Variants in MGAT5 observed in about 807,000 individuals in gnomAD.
MGAT5 encodes the protein alpha-1,6-mannosylglycoprotein 6-beta-N-acetylglucosaminyltransferase, also known as alpha-1,6-mannosylglycoprotein 6-beta-N-acetylglucosaminyltransferase A.
In MGAT5, 30 loss-of-function variants were observed where a neutral mutation model predicts 94.3. The ratio of observed to expected loss-of-function variants is 0.32; its 90% CI spans 0.24 to 0.43. The LOEUF (loss-of-function observed/expected upper bound fraction) is 0.43. MGAT5 is among the 20% of genes least tolerant of loss of function. MGAT5 has a pLI of 1.00. For missense variants in MGAT5, 691 were observed against 905.5 expected, an observed-to-expected ratio of 0.76 and a Z score of 3.04; for synonymous variants, 310 against 322.9, an observed-to-expected ratio of 0.96 and a Z score of 0.43.
intron 1 of MGAT5, among the ~76,000 whole-genome samples, chr2:134,140,501 A>G (rs1191921264): frequency 6.6e-6 from 1 of 152,236 alleles, no homozygotes; most frequent in Non-Finnish European, 1.5e-5. Context: ...CGTGACTGCC[A>G]GCTCTAAAAG....
At chr2:134,135,029 C>G (rs6722015) in intron 1 of MGAT5, among the ~76,000 whole-genome samples, 30,103 of 152,186 alleles carry the variant, frequency 0.2, 4,098 homozygotes, top group African/African-American at 0.39. Context: ...TTGTAGCTGA[C>G]ATGACACATT....
chr2:134,448,979 T>C lies in MGAT5; in HGVS notation c.*132T>C. The C allele has an allele frequency of 3.3e-6, 3 of 902,840 alleles. No homozygotes were observed. Among genetic ancestry groups the C allele is most frequent in the Non-Finnish European group, 5.0e-6 (3 of 597,302 alleles). The allele number at this position is 902,840 out of a possible 1,614,324, so 55.9% of individuals were successfully genotyped here. ...GAACTTTTTCGTAGAAGGTTCTGAA[T>C]TGGCATTGCCCTTGCTGCACTCCGA... On this transcript the variant is annotated 3_prime_UTR_variant, in exon 16 of 16. Transcript: ENST00000281923.
At chr2:134,154,662 A>C (rs974326182) in intron 1 of MGAT5, among the ~76,000 whole-genome samples, 1 of 152,174 alleles carries the variant, frequency 6.6e-6, no homozygotes, top group Non-Finnish European at 1.5e-5. Flanking sequence ...CTGAGACTCT[A>C]AATCTCATCC....
chr2:134,447,534 A>G (rs1685857355), intron 15 of MGAT5, among the ~76,000 whole-genome samples: 1 of 152,230 alleles, frequency 6.6e-6, no homozygotes, highest in African/African-American at 2.4e-5. Flanking sequence ...AGGGCCACAC[A>G]GCTCCTAAAA....
intron 1 of MGAT5, among the ~76,000 whole-genome samples, chr2:134,258,943 G>A (rs956088206): frequency 3.3e-5 from 5 of 152,238 alleles, no homozygotes; most frequent in Non-Finnish European, 7.3e-5. Flanking sequence ...GTTGTTGGCT[G>A]TTAGTGTGAC....
rs568465215 is a variant in MGAT5 at position 134,137,817 on chromosome 2, T to C, written c.-143+17526T>C. Among the ~76,000 whole-genome samples, 17 of 152,300 alleles carry C rather than the reference T, an allele frequency of 1.1e-4. 1 individual carries two copies. In the South Asian group the frequency reaches 3.3e-3, roughly 30 times the overall value. ...AGGCAGTTACATTACATTATATTCT[T>C]ACTGTTTAAAGATAATGTATTTGTA... On this transcript the variant is annotated intron_variant, in intron 1 of 16. Transcript: ENST00000409645.
At chr2:134,266,978 A>G (rs982920238) in intron 1 of MGAT5, among the ~76,000 whole-genome samples, 5 of 152,226 alleles carry the variant, frequency 3.3e-5, no homozygotes, top group Admixed American at 6.5e-5. Flanking sequence ...AAAATCTTGG[A>G]TCACTTGATG....
intron 1 of MGAT5, among the ~76,000 whole-genome samples, chr2:134,140,880 C>A (rs1326057285): frequency 6.6e-6 from 1 of 152,190 alleles, no homozygotes; most frequent in Non-Finnish European, 1.5e-5. Context: ...AGTGAAGGAG[C>A]CAGAATTTCA....
chr2:134,187,293 G>T (rs1261919449), intron 1 of MGAT5, among the ~76,000 whole-genome samples: 1 of 152,176 alleles, frequency 6.6e-6, no homozygotes, highest in Non-Finnish European at 1.5e-5. Flanking sequence ...AGAATTGTCT[G>T]TAAGGGGCAA....
rs1292366672 is a variant in MGAT5 at position 134,279,501 on chromosome 2, C to T, written c.406+8951C>T. On this transcript the variant is annotated intron_variant, in intron 2 of 15. Transcript: ENST00000281923. ...ACCCAGAATTTCTAATTCTGTTGGA[C>T]TAATTACTGACCCTTCAAGGAATAC... Among the ~76,000 whole-genome samples the T allele has an allele frequency of 2.0e-5, 3 of 152,160 alleles. No homozygotes were observed. In the East Asian group the frequency reaches 5.8e-4, roughly 29 times the overall value.
At chr2:134,149,302 C>T (rs189073207) in intron 1 of MGAT5, among the ~76,000 whole-genome samples, 2 of 152,258 alleles carry the variant, frequency 1.3e-5, no homozygotes, top group Admixed American at 6.5e-5. Context: ...AGATCAGTGA[C>T]AGGCAGCTAT....
At chr2:134,447,117 C>T (rs1026166864) in intron 15 of MGAT5, among the ~76,000 whole-genome samples, 4 of 152,308 alleles carry the variant, frequency 2.6e-5, no homozygotes, top group African/African-American at 9.6e-5. Context: ...ATGCTCTACA[C>T]ACATGCCCAT....
In MGAT5 at chr2:134,313,482, A is replaced by G. The variant is rs549059547; in HGVS notation, c.407-4047A>G. 2.0e-5 allele frequency among the ~76,000 whole-genome samples: 3 copies of G among 152,252 alleles called. No individual in the cohort carries two copies. The East Asian group carries it at 5.8e-4, about 29-fold the overall frequency. On this transcript the variant is annotated intron_variant, in intron 2 of 15. Transcript: ENST00000281923. The stretch of plus-strand genomic sequence containing the variant: ...TTGCCAGTGCCATAGGATCATACAG[A>G]GGTGAAGTTTTGGGGGAAAGATGTT...
At chr2:134,158,337 G>C (rs887028092) in intron 1 of MGAT5, among the ~76,000 whole-genome samples, 4 of 152,162 alleles carry the variant, frequency 2.6e-5, no homozygotes, top group African/African-American at 7.2e-5. Flanking sequence ...CCCTCTAAGC[G>C]CCCCCTTGGC....
Position 134,364,500 on chromosome 2 carries a change from CA to C in MGAT5, c.1380+2102del, listed in dbSNP as rs5834408. On this transcript the variant is annotated intron_variant, in intron 10 of 15. Coordinates refer to ENST00000281923, the MANE Select transcript of MGAT5 (RefSeq NM_002410.5). ...GGGCAACAAGAGTGAAACTCTGTCT[CA>C]AAAAAAAAAGGAATCCCAAAACCAT... 2.6e-4 allele frequency among the ~76,000 whole-genome samples: 38 copies of C among 148,986 alleles called. 2 individuals are homozygous for C. The highest frequency in any genetic ancestry group is 7.2e-4 in the African/African-American group (29 of 40,308).
At chr2:134,366,279 T>C (rs1680425633) in intron 10 of MGAT5, among the ~76,000 whole-genome samples, 1 of 152,194 alleles carries the variant, frequency 6.6e-6, no homozygotes, top group Non-Finnish European at 1.5e-5. Flanking sequence ...TTGGTCAACT[T>C]TGTAAAAAGA....
intron 10 of MGAT5, among the ~76,000 whole-genome samples, chr2:134,386,472 C>T (rs934050953): frequency 6.6e-6 from 1 of 152,110 alleles, no homozygotes; most frequent in Admixed American, 6.6e-5. Flanking sequence ...ATAAGTAAAT[C>T]GCACTGCTTT....
At chr2:134,369,051 C>A (rs775364343) in intron 10 of MGAT5, among the ~76,000 whole-genome samples, 1 of 152,056 alleles carries the variant, frequency 6.6e-6, no homozygotes, top group South Asian at 2.1e-4. Flanking sequence ...AATCTCTCTT[C>A]CTTACTAGAC....
intron 2 of MGAT5, among the ~76,000 whole-genome samples, chr2:134,306,283 GT>G (rs147745409): frequency 0.16 from 23,730 of 152,118 alleles, 2,004 homozygotes; most frequent in Middle Eastern, 0.37. Context: ...TACATGCAGA[GT>G]TTTGCATTAA....
Sources: allele counts gnomAD v4.1 joint callset (sites outside exome capture counted in the v4.1 genomes callset), GRCh38; gene constraint gnomAD v4.1.1; transcripts MANE v1.5; gene names NCBI Gene and HGNC (gene_info 2026-07-23, HGNC 2026-07-21).